NOX1: variants seen among roughly 807,000 people sequenced by gnomAD.
NOX1 encodes NADPH oxidase 1, also known as NADH/NADPH mitogenic oxidase subunit P65-MOX.
In NOX1, 34 loss-of-function variants were observed where a neutral mutation model predicts 42.5. The ratio of observed to expected loss-of-function variants is 0.80; its 90% CI spans 0.61 to 1.07. The LOEUF (loss-of-function observed/expected upper bound fraction) is 1.07, where lower values mean the gene tolerates loss of function less well. NOX1 is among the 50% of genes least tolerant of loss of function. The pLI is 0.00. For synonymous variants in NOX1, 143 were observed against 152.5 expected (o/e 0.94, Z 0.46); for missense variants, 408 against 427.0 (o/e 0.96, Z 0.39).
intron 1 of NOX1, among the ~76,000 whole-genome samples, chrX:100,873,045 C>CG (rs766437230): frequency 1.9e-3 from 59 of 30,658 alleles, no homozygotes; most frequent in East Asian, 0.01. Flanking sequence ...GGTCGGGGGG[C>CG]GGGGGGGTAG....
At chrX:100,853,133 T>G (rs946360779) in intron 7 of NOX1, among the ~76,000 whole-genome samples, 1 of 111,121 alleles carries the variant, frequency 9.0e-6, no homozygotes, top group Non-Finnish European at 1.9e-5. Flanking sequence ...GAAAAAGTAT[T>G]ATGCACGAGT....
chrX:100,866,520 G>GTA (rs1556139126), intron 2 of NOX1, among the ~76,000 whole-genome samples: 1 of 108,083 alleles, frequency 9.3e-6, no homozygotes, highest in Non-Finnish European at 1.9e-5. Flanking sequence ...GTGTGTGTGT[G>GTA]TATCTCTGGG....
At chrX:100,855,928 A>C (rs2085163831) in intron 7 of NOX1, 1 of 1,167,697 alleles carries the variant, frequency 8.6e-7, no homozygotes, top group Non-Finnish European at 1.2e-6. Flanking sequence ...TGGTCGTCAA[A>C]AGTTACAAAG....
chrX:100,871,599 G>A (rs2085274929), intron 1 of NOX1, among the ~76,000 whole-genome samples: 1 of 111,494 alleles, frequency 9.0e-6, no homozygotes, highest in South Asian at 3.8e-4. Context: ...GACTGCTTTT[G>A]CCTGTTCCAA....
chrX:100,844,580 G>A (rs1361011300), intron 12 of NOX1, among the ~76,000 whole-genome samples: 1 of 111,164 alleles, frequency 9.0e-6, no homozygotes, highest in Admixed American at 9.5e-5. Flanking sequence ...CTACAGGCAC[G>A]CACCAGCATG....
intron 7 of NOX1, chrX:100,856,282 A>G: frequency 1.2e-6 from 1 of 825,153 alleles, no homozygotes; most frequent in Non-Finnish European, 1.8e-6. Context: ...ATCACTCATA[A>G]TGGCTCCTCA....
intron 1 of NOX1, among the ~76,000 whole-genome samples, chrX:100,872,418 C>T (rs1219246411): frequency 8.9e-6 from 1 of 111,997 alleles, no homozygotes; most frequent in Non-Finnish European, 1.9e-5. Flanking sequence ...TCTTAGCTGT[C>T]ATTTCCTCCA....
intron 2 of NOX1, among the ~76,000 whole-genome samples, chrX:100,868,458 C>T (rs145880027): frequency 9.0e-6 from 1 of 111,121 alleles, no homozygotes; most frequent in African/African-American, 3.3e-5. Flanking sequence ...GAGAACCATC[C>T]TCAACTCCGT....
At chrX:100,871,931 T>A (rs2085277515) in intron 1 of NOX1, among the ~76,000 whole-genome samples, 1 of 112,153 alleles carries the variant, frequency 8.9e-6, no homozygotes, top group Admixed American at 9.5e-5. Context: ...AGCTCTATAA[T>A]CTCAGACAGA....
intron 7 of NOX1, among the ~76,000 whole-genome samples, chrX:100,858,792 A>G (rs2085184240): frequency 9.0e-6 from 1 of 110,939 alleles, no homozygotes; most frequent in African/African-American, 3.3e-5. Flanking sequence ...GTATCCTGAA[A>G]CTTTGCTGAA....
At position 100,843,463 on chromosome X, in the gene NOX1, T is replaced by C. The variant is rs2085049964; in HGVS notation, c.*489A>G. The C allele has an allele frequency of 1.8e-6, 2 of 1,097,938 alleles. No homozygotes were observed. The highest frequency in any genetic ancestry group is 2.4e-6 in the Non-Finnish European group (2 of 845,553). 90.5% of individuals were successfully genotyped at this position (1,097,938 alleles called of 1,213,427 possible). On this transcript the variant is annotated 3_prime_UTR_variant, in exon 13 of 13. Coordinates refer to ENST00000372966, the MANE Select transcript of NOX1 (RefSeq NM_007052.5). ...TATATGGGGATGGGGTTCTCGGTAA[T>C]TTTGTTTATTATTTATGTTTATTAT...
chrX:100,863,082 A>C, intron 4 of NOX1, 77 bp downstream of exon 4: 1 of 768,599 alleles, frequency 1.3e-6, no homozygotes, highest in Admixed American at 2.2e-5. Context: ...TATTTTTTGA[A>C]TGTGCATATG....
rs888764931 is a variant in NOX1, at chrX:100,843,532, T to C, written c.*420A>G. 135 of 988,418 alleles carry C rather than the reference T, an allele frequency of 1.4e-4. No individual in the cohort carries two copies. Among genetic ancestry groups the C allele is most frequent in the Non-Finnish European group, 1.7e-4 (131 of 763,150 alleles). 81.5% of individuals were successfully genotyped at this position (988,418 alleles called of 1,213,427 possible). A position where few individuals can be genotyped will look rare whatever the true frequency, so the allele number is the denominator to read the frequency against. ...ATTCAATAAATTTTTATTTAAAAAG[T>C]CACCCTACTTAGAAATCTTCTGTGG... On this transcript the variant is annotated 3_prime_UTR_variant, in exon 13 of 13. Transcript: ENST00000372966.
At chrX:100,853,700 G>A (rs189571762) in intron 7 of NOX1, among the ~76,000 whole-genome samples, 111 of 106,269 alleles carry the variant, frequency 1.0e-3, no homozygotes, top group African/African-American at 3.4e-3. Context: ...CACACCTGGC[G>A]AATTTTTGCA....
chrX:100,868,311 C>A (rs1318627337), intron 2 of NOX1, among the ~76,000 whole-genome samples: 1 of 111,731 alleles, frequency 9.0e-6, no homozygotes, highest in African/African-American at 3.3e-5. Flanking sequence ...TGGGAAGATA[C>A]CAAAAGCTAC....
intron 12 of NOX1, among the ~76,000 whole-genome samples, chrX:100,848,202 T>C (rs1487704919): frequency 8.9e-6 from 1 of 111,900 alleles, no homozygotes; most frequent in Non-Finnish European, 1.9e-5. Context: ...AATCTAAGAA[T>C]GGCACAAAAG....
intron 7 of NOX1, among the ~76,000 whole-genome samples, chrX:100,854,583 C>G (rs1162857105): frequency 1.8e-5 from 2 of 110,866 alleles, no homozygotes; most frequent in African/African-American, 6.5e-5. Context: ...TCTTTTTTTT[C>G]AAGAGAATTA....
intron 2 of NOX1, among the ~76,000 whole-genome samples, chrX:100,864,522 T>A (rs1358136901): frequency 1.8e-5 from 2 of 111,674 alleles, no homozygotes; most frequent in Non-Finnish European, 1.9e-5. Flanking sequence ...TTTAAACAGG[T>A]AGATATTTGA....
intron 2 of NOX1, among the ~76,000 whole-genome samples, chrX:100,867,882 AAAGAAAGG>A (rs1006151568): frequency 2.8e-4 from 31 of 111,222 alleles, no homozygotes; most frequent in Middle Eastern, 4.6e-3. Flanking sequence ...AAGGAAGAAT[AAAGAAAGG>A]AAGAAAGAGA....
Sources: gnomAD v4.1 joint callset for allele counts (sites outside exome capture counted in the v4.1 genomes callset) on GRCh38, gnomAD v4.1.1 for gene constraint, MANE v1.5 for transcripts, NCBI Gene and HGNC (gene_info 2026-07-23, HGNC 2026-07-21) for gene names.